The following PRIM2 variants were observed in gnomAD, a reference collection of about 807,000 sequenced individuals.
PRIM2 encodes DNA primase large subunit.
A neutral mutation model predicts 67.3 loss-of-function variants in PRIM2; 39 were observed. The observed-to-expected ratio is 0.58, with a 90% CI of 0.45 to 0.76. The LOEUF (loss-of-function observed/expected upper bound fraction) is 0.76, where lower values mean the gene tolerates loss of function less well. PRIM2 is among the 30% of genes least tolerant of loss of function. The pLI is 0.00. For synonymous variants in PRIM2, 143 were observed against 198.7 expected (o/e 0.72, Z 2.36); for missense variants, 398 against 598.7 (o/e 0.66, Z 3.50).
At chr6:57,513,657 G>T (rs1774416717) in intron 8 of PRIM2, among the ~76,000 whole-genome samples, 1 of 152,192 alleles carries the variant, frequency 6.6e-6, no homozygotes. Context: ...ACTTTGGGAG[G>T]CTGAGGCAGG....
intron 7 of PRIM2, among the ~76,000 whole-genome samples, chr6:57,467,486 T>A (rs1283987687): frequency 6.6e-6 from 1 of 152,230 alleles, no homozygotes; most frequent in Non-Finnish European, 1.5e-5. Context: ...TTGATCTATA[T>A]ATCTCTTTTG....
intron 5 of PRIM2, among the ~76,000 whole-genome samples, chr6:57,371,748 TCTC>T (rs1581837145): frequency 6.6e-6 from 1 of 152,350 alleles, no homozygotes; most frequent in East Asian, 1.9e-4. Flanking sequence ...GAAGATTTCT[TCTC>T]CTTTCACCCT....
At chr6:57,586,651 A>T (rs2127486906) in intron 10 of PRIM2, among the ~76,000 whole-genome samples, 1 of 152,302 alleles carries the variant, frequency 6.6e-6, no homozygotes, top group South Asian at 2.1e-4. Context: ...AGGAATTCTG[A>T]TTTCTCACAG....
intron 10 of PRIM2, among the ~76,000 whole-genome samples, chr6:57,571,665 C>T (rs1455428942): frequency 3.3e-5 from 5 of 149,712 alleles, no homozygotes; most frequent in Non-Finnish European, 5.9e-5. Context: ...GAAACCAAAA[C>T]AAAACAAAAA....
intron 7 of PRIM2, among the ~76,000 whole-genome samples, chr6:57,486,058 G>A (rs1773745566): frequency 6.6e-6 from 1 of 152,198 alleles, no homozygotes; most frequent in Admixed American, 6.5e-5. Context: ...GGTATTGGGT[G>A]TTTGTGGAAG....
intron 13 of PRIM2, among the ~76,000 whole-genome samples, chr6:57,633,801 G>A (rs1446346322): frequency 2.0e-4 from 31 of 152,128 alleles, no homozygotes; most frequent in African/African-American, 6.8e-4. Flanking sequence ...GACAGGAGGT[G>A]GAACTCAGGC....
intron 5 of PRIM2, among the ~76,000 whole-genome samples, chr6:57,353,683 A>T (rs1258053437): frequency 1.7e-4 from 26 of 152,264 alleles, no homozygotes; most frequent in Admixed American, 1.6e-3. Context: ...CTATTTTGGA[A>T]TTTCACTGCC....
chr6:57,469,080 G>A (rs1773274709), intron 7 of PRIM2, among the ~76,000 whole-genome samples: 1 of 152,220 alleles, frequency 6.6e-6, no homozygotes, highest in Non-Finnish European at 1.5e-5. Flanking sequence ...GTGTCAGGCA[G>A]TGATTTCCTT....
intron 10 of PRIM2, among the ~76,000 whole-genome samples, chr6:57,538,141 A>G (rs1262137811): frequency 0.01 from 1,538 of 151,868 alleles, 15 homozygotes; most frequent in Non-Finnish European, 0.016. Context: ...CATTCTTCCC[A>G]GTAGCTAGGG....
the PRIM2 span, among the ~76,000 whole-genome samples, chr6:57,276,478 T>C: frequency 2.0e-5 from 3 of 152,100 alleles, no homozygotes; most frequent in African/African-American, 7.2e-5. Flanking sequence ...CATACATATG[T>C]ATGTATGTAA....
chr6:57,318,587 G>T lies in PRIM2; in HGVS notation c.142G>T (p.Asp48Tyr). The T allele has an allele frequency of 1.3e-6, 2 of 1,563,314 alleles. No individual in the cohort carries two copies. The highest frequency in any genetic ancestry group is 1.7e-6 in the Non-Finnish European group (2 of 1,151,992). The stretch of plus-strand genomic sequence containing the variant: ...AATAGAATTTGAAAACTTGGCTATT[G>T]ATAGAGTTAAATGTAAGTACTATTT... ...SLIEFENLAI[D>Y]RVKLLKSVEN... is the part of the protein sequence containing the mutation. The change falls in exon 2 of 14, where the codon GAT becomes TAT. Residue 48 changes from aspartate to tyrosine, a missense_variant. Asp to Tyr is a radical substitution (Grantham distance 160, BLOSUM62 -3). Coordinates refer to ENST00000615550, the MANE Select transcript of PRIM2 (RefSeq NM_000947.5).
At chr6:57,504,546 G>A (rs1554347135) in intron 7 of PRIM2, among the ~76,000 whole-genome samples, 2 of 152,100 alleles carry the variant, frequency 1.3e-5, no homozygotes, top group Non-Finnish European at 2.9e-5. Flanking sequence ...ATGAGAAATA[G>A]GCTATAAGTT....
intron 8 of PRIM2, among the ~76,000 whole-genome samples, chr6:57,523,730 C>T (rs1386979204): frequency 4.0e-5 from 6 of 151,840 alleles, no homozygotes; most frequent in African/African-American, 1.5e-4. Flanking sequence ...TATTATTTTT[C>T]TTAACCAGCT....
At chr6:57,569,742 CCCTTTT>C (rs1775824791) in intron 10 of PRIM2, among the ~76,000 whole-genome samples, 1 of 151,744 alleles carries the variant, frequency 6.6e-6, no homozygotes, top group Admixed American at 6.6e-5. Flanking sequence ...TCAGTTCTTA[CCCTTTT>C]CTTTTCTTTT....
At chr6:57,436,035 C>CT (rs1246980540) in intron 7 of PRIM2, among the ~76,000 whole-genome samples, 2 of 152,128 alleles carry the variant, frequency 1.3e-5, no homozygotes, top group African/African-American at 4.8e-5. Context: ...AAAATTAGTT[C>CT]TACATTCAGC....
chr6:57,561,180 A>G (rs1424637670), intron 10 of PRIM2, among the ~76,000 whole-genome samples: 30 of 152,224 alleles, frequency 2.0e-4, no homozygotes, highest in African/African-American at 7.0e-4. Context: ...TATCATGGAG[A>G]TAGCTTCTTT....
chr6:57,442,614 T>G (rs1772236040), intron 7 of PRIM2, among the ~76,000 whole-genome samples: 1 of 152,116 alleles, frequency 6.6e-6, no homozygotes, highest in East Asian at 1.9e-4. Flanking sequence ...TTTTTTTGGT[T>G]CTGTCATTGT....
intron 7 of PRIM2, among the ~76,000 whole-genome samples, chr6:57,440,965 C>T (rs1203091448): frequency 2.6e-5 from 4 of 152,114 alleles, no homozygotes; most frequent in East Asian, 1.9e-4. Context: ...ATCAGATCCT[C>T]TCATTGAACC....
the PRIM2 span, among the ~76,000 whole-genome samples, chr6:57,236,657 C>T: frequency 6.6e-6 from 1 of 151,916 alleles, no homozygotes; most frequent in East Asian, 1.9e-4. Flanking sequence ...TGAGTGAGAA[C>T]ATGCGGTGTT....
Sources: gnomAD v4.1 joint callset for allele counts (sites outside exome capture counted in the v4.1 genomes callset) on GRCh38, gnomAD v4.1.1 for gene constraint, MANE v1.5 for transcripts, NCBI Gene and HGNC (gene_info 2026-07-23, HGNC 2026-07-21) for gene names.